SNX29: variants seen among roughly 807,000 people sequenced by gnomAD.
SNX29 encodes the protein sorting nexin-29.
A neutral mutation model predicts 102.1 loss-of-function variants in SNX29; 78 were observed. That is an observed-to-expected ratio of 0.76 (90% CI 0.64 to 0.92). SNX29 has a LOEUF of 0.92. SNX29 is among the 40% of genes least tolerant of loss of function. SNX29 has a pLI of 0.00. For synonymous variants in SNX29, 580 were observed against 414.5 expected (o/e 1.40, Z -4.85); for missense variants, 1,280 against 1,061.7 (o/e 1.21, Z -2.86).
In SNX29 at chr16:12,571,153, A is replaced by C. The variant is rs1483398232; in HGVS notation, c.*2524A>C. 5 of 230,900 alleles carry C rather than the reference A, an allele frequency of 2.2e-5. No individual in the cohort carries two copies. The highest frequency in any genetic ancestry group is 4.2e-5 in the Non-Finnish European group (5 of 117,708). 14.3% of individuals were successfully genotyped at this position (230,900 alleles called of 1,614,324 possible). ...TGATTGGGTCCATCTTGCTGCTCAG[A>C]AGAATCCCGTCCTGCTCTCTAGTGT... On this transcript the variant is annotated 3_prime_UTR_variant, in exon 21 of 21. Transcript: ENST00000566228.
chr16:12,050,485 T>A lies in SNX29; in HGVS notation c.749-1362T>A, dbSNP rs1349134830. On this transcript the variant is annotated intron_variant, in intron 7 of 20. Transcript: ENST00000566228. ...ATGGTGGCTCTTCTGCTGGGCTCTT[T>A]CGGCTCACTCATGGGAGCTGGTGGT... is the stretch of plus-strand genomic sequence containing the variant. 4.6e-5 allele frequency among the ~76,000 whole-genome samples: 7 copies of A among 152,280 alleles called. No homozygotes were observed. The South Asian group carries it at 8.3e-4, about 18-fold the overall frequency.
At chr16:12,474,758 G>C (rs919158749) in intron 18 of SNX29, among the ~76,000 whole-genome samples, 1 of 152,200 alleles carries the variant, frequency 6.6e-6, no homozygotes, top group Non-Finnish European at 1.5e-5. Context: ...TTTTTTTAAA[G>C]TGCATTGATC....
At position 12,308,745 on chromosome 16, in the gene SNX29, C is replaced by T. The variant is rs545602231; in HGVS notation, c.1782+30709C>T. Among the ~76,000 whole-genome samples, 5 of 152,200 alleles carry T rather than the reference C, an allele frequency of 3.3e-5. No individual in the cohort carries two copies. The East Asian group carries it at 7.7e-4, about 24-fold the overall frequency. On this transcript the variant is annotated intron_variant, in intron 15 of 20. Transcript: ENST00000566228. ...AGATGGGTACAAATTAAACACGAGT[C>T]CATCAGTTTCTCAGCTGGAGAGTCT...
In SNX29 at chr16:12,152,239, A is replaced by G. The variant is rs972937166; in HGVS notation, c.1595+22481A>G. ...CTATCTTAAAAAAAAAATGCATGCA[A>G]TAATACACATGAAAAGATTCACATC... On this transcript the variant is annotated intron_variant, in intron 13 of 20. Transcript: ENST00000566228. Among the ~76,000 whole-genome samples the G allele has an allele frequency of 3.9e-5, 6 of 152,120 alleles. No individual in the cohort carries two copies. In the South Asian group the frequency reaches 1.0e-3, roughly 26 times the overall value.
chr16:12,425,646 C>T (rs1257681572), intron 18 of SNX29, among the ~76,000 whole-genome samples: 4 of 151,692 alleles, frequency 2.6e-5, no homozygotes, highest in Non-Finnish European at 4.4e-5. Context: ...GATGGACAGA[C>T]GTATCTGGTT....
intron 14 of SNX29, among the ~76,000 whole-genome samples, chr16:12,226,131 C>CG (rs2077604973): frequency 6.6e-6 from 1 of 152,204 alleles, no homozygotes; most frequent in Non-Finnish European, 1.5e-5. Flanking sequence ...ATCTGAAGAA[C>CG]GGTCGTGTTC....
At chr16:12,190,545 C>CTT (rs2076616567) in intron 13 of SNX29, among the ~76,000 whole-genome samples, 1 of 152,106 alleles carries the variant, frequency 6.6e-6, no homozygotes, top group Non-Finnish European at 1.5e-5. Flanking sequence ...TGAGGAGACA[C>CTT]TTGCAAAATG....
intron 11 of SNX29, chr16:12,088,204 G>C: frequency 2.3e-6 from 1 of 439,948 alleles, no homozygotes; most frequent in South Asian, 1.6e-5. Flanking sequence ...AGACAGGAGA[G>C]GCAGGAACAG....
chr16:12,573,197 C>T lies in SNX29; in HGVS notation c.*4568C>T, dbSNP rs958470083. 1.8e-5 allele frequency: 4 copies of T among 226,524 alleles called. No homozygotes were observed. Among genetic ancestry groups the T allele is most frequent in the African/African-American group, 6.7e-5 (3 of 45,070 alleles). The allele number at this position is 226,524 out of a possible 1,614,324, so 14.0% of individuals were successfully genotyped here. Reference sequence around the variant, plus strand: ...GGTGTAGCCATCCAGGGTCTCCCGGCTCTAGGCAGACCGGATCCCGCAGTT... The same window carrying T: ...GGTGTAGCCATCCAGGGTCTCCCGGTTCTAGGCAGACCGGATCCCGCAGTT... On this transcript the variant is annotated 3_prime_UTR_variant, in exon 21 of 21. Transcript: ENST00000566228.
intron 11 of SNX29, among the ~76,000 whole-genome samples, chr16:12,119,677 G>A (rs905154807): frequency 2.6e-5 from 4 of 152,224 alleles, no homozygotes; most frequent in Non-Finnish European, 5.9e-5. Flanking sequence ...GAGGCTGTGC[G>A]CTGCCTCCCA....
At chr16:12,333,579 C>T (rs1430659300) in intron 15 of SNX29, among the ~76,000 whole-genome samples, 1 of 152,092 alleles carries the variant, frequency 6.6e-6, no homozygotes, top group Non-Finnish European at 1.5e-5. Context: ...TTATCAAGCA[C>T]CTGTGATGGG....
At chr16:12,182,800 G>A (rs1448389051) in intron 13 of SNX29, among the ~76,000 whole-genome samples, 1 of 151,898 alleles carries the variant, frequency 6.6e-6, no homozygotes, top group Non-Finnish European at 1.5e-5. Context: ...CAGGTGTGGT[G>A]GTGGGCACCT....
rs574008277 is a variant in SNX29, at chr16:12,156,438, T to C, written c.1595+26680T>C. 2.6e-5 allele frequency among the ~76,000 whole-genome samples: 4 copies of C among 152,316 alleles called. No individual in the cohort carries two copies. In the South Asian group the frequency reaches 8.3e-4, roughly 32 times the overall value. ...CGCCCACCTCAGCCTCCCAAAGTACTGGGATTACAGGCGTGAGCCTTGTTG... is the reference window on the plus strand; with the variant it reads ...CGCCCACCTCAGCCTCCCAAAGTACCGGGATTACAGGCGTGAGCCTTGTTG... On this transcript the variant is annotated intron_variant, in intron 13 of 20. Transcript: ENST00000566228.
intron 20 of SNX29, among the ~76,000 whole-genome samples, chr16:12,566,358 TCTC>T (rs934856045): frequency 2.6e-5 from 4 of 152,082 alleles, no homozygotes; most frequent in African/African-American, 4.8e-5. Context: ...GACTGCTACC[TCTC>T]CTCTCCCAAC....
chr16:12,138,190 A>G (rs1342997257), intron 13 of SNX29, among the ~76,000 whole-genome samples: 3 of 151,734 alleles, frequency 2.0e-5, no homozygotes, highest in African/African-American at 7.3e-5. Flanking sequence ...GACTGAAAAA[A>G]AAAGAATTTG....
intron 11 of SNX29, among the ~76,000 whole-genome samples, chr16:12,115,778 C>A (rs988481630): frequency 6.6e-6 from 1 of 152,196 alleles, no homozygotes; most frequent in Non-Finnish European, 1.5e-5. Context: ...TGTTCCTCCT[C>A]GAGGCCTTTC....
intron 20 of SNX29, among the ~76,000 whole-genome samples, chr16:12,560,262 G>C (rs753870757): frequency 2.0e-5 from 3 of 151,738 alleles, no homozygotes; most frequent in Non-Finnish European, 2.9e-5. Context: ...AAAATATCAG[G>C]AACACAGCAG....
chr16:12,223,898 C>T (rs2077540315), intron 14 of SNX29, among the ~76,000 whole-genome samples: 1 of 152,104 alleles, frequency 6.6e-6, no homozygotes, highest in Admixed American at 6.5e-5. Context: ...CTTTATGATA[C>T]GTTCTGATCC....
At position 12,335,123 on chromosome 16, in the gene SNX29, C is replaced by G. The variant is rs183974379; in HGVS notation, c.1783-21040C>G. ...GGAGCAGGACACTTAGCAGCACTTC[C>G]CAGAGTGGTGTCCCAGGACAGAGGG... On this transcript the variant is annotated intron_variant, in intron 15 of 20. Coordinates refer to ENST00000566228, the MANE Select transcript of SNX29 (RefSeq NM_032167.5). Among the ~76,000 whole-genome samples the G allele has an allele frequency of 5.3e-5, 8 of 151,954 alleles. 1 individual carries two copies. Among genetic ancestry groups the G allele is most frequent in the Middle Eastern group, 3.4e-3 (1 of 294 alleles).
Sources: gnomAD v4.1 joint callset for allele counts (sites outside exome capture counted in the v4.1 genomes callset) on GRCh38, gnomAD v4.1.1 for gene constraint, MANE v1.5 for transcripts, NCBI Gene and HGNC (gene_info 2026-07-23, HGNC 2026-07-21) for gene names.